KHDRBS2: variants seen among roughly 807,000 people sequenced by gnomAD.
KHDRBS2 encodes KH domain-containing, RNA-binding, signal transduction-associated protein 2.
A neutral mutation model predicts 44.3 loss-of-function variants in KHDRBS2; 26 were observed. The observed-to-expected ratio is 0.59, with a 90% CI of 0.43 to 0.81. The LOEUF (loss-of-function observed/expected upper bound fraction) is 0.81. Among genes scored for constraint, KHDRBS2 ranks in the 40% least tolerant of loss-of-function variants. KHDRBS2 has a pLI of 0.00. For synonymous variants in KHDRBS2, 194 were observed against 151.1 expected, an observed-to-expected ratio of 1.28 and a Z score of -2.08; for missense variants, 476 against 433.1, an observed-to-expected ratio of 1.10 and a Z score of -0.88.
At chr6:61,827,850 T>C (rs1791146772) in intron 6 of KHDRBS2, among the ~76,000 whole-genome samples, 1 of 152,130 alleles carries the variant, frequency 6.6e-6, no homozygotes, top group Admixed American at 6.5e-5. Context: ...CACAACCTCA[T>C]TTAAACCCAG....
the KHDRBS2 span, among the ~76,000 whole-genome samples, chr6:61,613,510 G>A: frequency 6.6e-6 from 1 of 152,110 alleles, no homozygotes. Flanking sequence ...ATTATAGGAT[G>A]AGAAATTAGG....
intron 3 of KHDRBS2, among the ~76,000 whole-genome samples, chr6:62,004,068 A>G (rs1162809617): frequency 1.3e-5 from 2 of 152,216 alleles, no homozygotes; most frequent in Non-Finnish European, 2.9e-5. Context: ...TCTAAAATTG[A>G]CACCCTAACA....
chr6:61,784,725 A>T (rs1176005822), intron 6 of KHDRBS2, among the ~76,000 whole-genome samples: 1 of 152,172 alleles, frequency 6.6e-6, no homozygotes, highest in Non-Finnish European at 1.5e-5. Flanking sequence ...ACATGGTTCA[A>T]CTTAATTAAA....
At chr6:62,210,105 A>T (rs979279120) in intron 1 of KHDRBS2, among the ~76,000 whole-genome samples, 2 of 152,114 alleles carry the variant, frequency 1.3e-5, no homozygotes, top group Non-Finnish European at 2.9e-5. Context: ...ATACATCCTA[A>T]GTAAGAAAAA....
At chr6:61,675,331 G>T (rs1765866019), downstream of KHDRBS2, among the ~76,000 whole-genome samples, 1 of 151,504 alleles carries the variant, frequency 6.6e-6, no homozygotes, top group Non-Finnish European at 1.5e-5. Flanking sequence ...ATGTCATTTT[G>T]TGACAACTTT....
chr6:61,614,107 A>T, the KHDRBS2 span, among the ~76,000 whole-genome samples: 3 of 152,230 alleles, frequency 2.0e-5, no homozygotes, highest in Non-Finnish European at 2.9e-5. Context: ...TGAACTTGAG[A>T]GAATGAGGTT....
the KHDRBS2 span, among the ~76,000 whole-genome samples, chr6:61,655,597 G>T: frequency 6.6e-6 from 1 of 151,876 alleles, no homozygotes; most frequent in African/African-American, 2.4e-5. Context: ...TGCTTTATGT[G>T]ACCAGAAGGG....
intron 6 of KHDRBS2, among the ~76,000 whole-genome samples, chr6:61,848,553 ATATATATAT>A (rs2127280557): frequency 3.3e-5 from 1 of 30,142 alleles, no homozygotes; most frequent in East Asian, 6.8e-4. Context: ...ATATATATAC[ATATATATAT>A]GTATATATAT....
chr6:61,757,500 C>T (rs532282823), intron 6 of KHDRBS2, among the ~76,000 whole-genome samples: 1 of 152,018 alleles, frequency 6.6e-6, no homozygotes, highest in Admixed American at 6.6e-5. Flanking sequence ...AGGCTGCATA[C>T]AGTTTGGCCT....
intron 2 of KHDRBS2, among the ~76,000 whole-genome samples, chr6:62,054,391 C>T (rs1057487464): frequency 6.6e-6 from 1 of 152,044 alleles, no homozygotes; most frequent in Non-Finnish European, 1.5e-5. Flanking sequence ...GTTAAAATGA[C>T]ATTTGACAGA....
the KHDRBS2 span, among the ~76,000 whole-genome samples, chr6:61,545,255 G>T: frequency 6.6e-6 from 1 of 151,882 alleles, no homozygotes; most frequent in Non-Finnish European, 1.5e-5. Flanking sequence ...AAACCAGCCT[G>T]GGTAACAAAG....
chr6:62,178,271 G>C (rs1379069462), intron 1 of KHDRBS2, among the ~76,000 whole-genome samples: 1 of 151,532 alleles, frequency 6.6e-6, no homozygotes, highest in Non-Finnish European at 1.5e-5. Flanking sequence ...TTAACAGTCT[G>C]ATGAAAACCA....
chr6:61,647,616 A>G, the KHDRBS2 span, among the ~76,000 whole-genome samples: 1 of 152,150 alleles, frequency 6.6e-6, no homozygotes, highest in Non-Finnish European at 1.5e-5. Context: ...TCAATATTCA[A>G]AAAATTGCTG....
intron 7 of KHDRBS2, 74 bp downstream of exon 7, chr6:61,732,608 G>T (rs1774658323): frequency 2.4e-6 from 2 of 836,594 alleles, no homozygotes; most frequent in Admixed American, 3.9e-5. Flanking sequence ...TGATATAATT[G>T]ACATTCAGAT....
chr6:62,217,017 A>T (rs1830119152), intron 1 of KHDRBS2, among the ~76,000 whole-genome samples: 1 of 149,188 alleles, frequency 6.7e-6, no homozygotes, highest in Non-Finnish European at 1.5e-5. Context: ...TCAGAAAGAG[A>T]TGATCTGATT....
chr6:62,152,886 C>A (rs115156430), intron 2 of KHDRBS2, among the ~76,000 whole-genome samples: 1,872 of 152,290 alleles, frequency 0.012, 33 homozygotes, highest in African/African-American at 0.042. Flanking sequence ...AAATTAATAC[C>A]TTGAGCCTGT....
intron 2 of KHDRBS2, among the ~76,000 whole-genome samples, chr6:62,059,197 A>ATTTTTTT (rs1562748697): frequency 6.7e-5 from 2 of 30,074 alleles, no homozygotes; most frequent in African/African-American, 7.8e-5. Flanking sequence ...AAAGTTAGGA[A>ATTTTTTT]GTTTTTTTTT....
chr6:61,972,579 T>C (rs1043675444), intron 4 of KHDRBS2, among the ~76,000 whole-genome samples: 1 of 152,204 alleles, frequency 6.6e-6, no homozygotes, highest in Non-Finnish European at 1.5e-5. Context: ...GAGGGAACTC[T>C]TGACAACATT....
chr6:61,883,355 T>C (rs1180885969), intron 6 of KHDRBS2, among the ~76,000 whole-genome samples: 2 of 152,016 alleles, frequency 1.3e-5, no homozygotes, highest in African/African-American at 4.8e-5. Flanking sequence ...AACTTTAAAA[T>C]ACTTTATGAT....
Sources: allele counts gnomAD v4.1 joint callset (sites outside exome capture counted in the v4.1 genomes callset), GRCh38; gene constraint gnomAD v4.1.1; transcripts MANE v1.5; gene names NCBI Gene and HGNC (gene_info 2026-07-23, HGNC 2026-07-21).